MEIG1: variants seen among roughly 807,000 people sequenced by gnomAD.
MEIG1 encodes the protein meiosis expressed gene 1 protein homolog.
MEIG1 carries 12 observed loss-of-function variants against 11.3 expected under a neutral mutation model. The ratio of observed to expected loss-of-function variants is 1.07; its 90% CI spans 0.68 to 1.73. The LOEUF is 1.73. MEIG1 is among the 40% of genes most tolerant of loss of function. MEIG1 has a pLI of 0.00. For missense variants in MEIG1, 119 were observed against 104.9 expected, an observed-to-expected ratio of 1.13 and a Z score of -0.59; for synonymous variants, 41 against 33.2, an observed-to-expected ratio of 1.24 and a Z score of -0.81.
intron 1 of MEIG1, among the ~76,000 whole-genome samples, chr10:14,962,665 A>T (rs1843027938): frequency 1.3e-5 from 2 of 152,246 alleles, no homozygotes; most frequent in Admixed American, 1.3e-4. Flanking sequence ...CATAGATAAG[A>T]CAAAAATTAA....
At chr10:14,954,981 G>T (rs1842900471), upstream of MEIG1, among the ~76,000 whole-genome samples, 1 of 152,190 alleles carries the variant, frequency 6.6e-6, no homozygotes, top group African/African-American at 2.4e-5. Context: ...GCCCAGGCTG[G>T]AGTGCAGTGG....
At chr10:14,968,593 T>G (rs917751124) in intron 2 of MEIG1, among the ~76,000 whole-genome samples, 3 of 152,168 alleles carry the variant, frequency 2.0e-5, no homozygotes, top group Non-Finnish European at 4.4e-5. Context: ...AGACATTAAT[T>G]TAATGACATT....
intron 1 of MEIG1, among the ~76,000 whole-genome samples, chr10:14,982,964 C>T (rs1052065494): frequency 1.4e-4 from 21 of 152,066 alleles, no homozygotes; most frequent in Admixed American, 5.2e-4. Context: ...AATCTGAGCA[C>T]TTTTTATGAG....
chr10:14,956,987 G>T (rs565708592), upstream of MEIG1, among the ~76,000 whole-genome samples: 1 of 152,340 alleles, frequency 6.6e-6, no homozygotes, highest in Non-Finnish European at 1.5e-5. Flanking sequence ...CCTGGAGGCA[G>T]AGATTGCAGT....
chr10:14,970,884 A>C (rs577260188), intron 2 of MEIG1, among the ~76,000 whole-genome samples: 9 of 152,340 alleles, frequency 5.9e-5, no homozygotes, highest in African/African-American at 2.2e-4. Context: ...GTTGAAGAGC[A>C]GGATTTGGTT....
At chr10:14,971,189 C>G (rs1415252448) in intron 2 of MEIG1, among the ~76,000 whole-genome samples, 3 of 117,574 alleles carry the variant, frequency 2.6e-5, no homozygotes, top group Non-Finnish European at 5.6e-5. Flanking sequence ...GAGTTTGAGA[C>G]CAACCTCGGC....
chr10:14,963,623 CTTAT>C (rs201828998), intron 1 of MEIG1, among the ~76,000 whole-genome samples: 2,575 of 152,202 alleles, frequency 0.017, 35 homozygotes, highest in Non-Finnish European at 0.029. Flanking sequence ...TGAAGCGTGG[CTTAT>C]TTGTTTTGCC....
chr10:14,982,887 A>G (rs1843279415), intron 1 of MEIG1, among the ~76,000 whole-genome samples: 1 of 152,124 alleles, frequency 6.6e-6, no homozygotes, highest in Non-Finnish European at 1.5e-5. Flanking sequence ...CCTGGTATTA[A>G]TAAGTGATAT....
At position 14,961,638 on chromosome 10, in the gene MEIG1, A is replaced by ATT. The variant is rs34536061; in HGVS notation, c.-30+2101_-30+2102dup. Among the ~76,000 whole-genome samples, 17 of 76,614 alleles carry ATT rather than the reference A, an allele frequency of 2.2e-4. 2 individuals are homozygous for ATT. Among genetic ancestry groups the ATT allele is most frequent in the Admixed American group, 5.4e-4 (3 of 5,594 alleles). The allele number at this position is 76,614 out of a possible 152,430, so 50.3% of individuals were successfully genotyped here. ...AGGCAGCCGCCACCGCATCCGGCTAATTTTTTTTTTTTTTTTTTTTTAGTA... is the reference window on the plus strand; with the variant it reads ...AGGCAGCCGCCACCGCATCCGGCTAATTTTTTTTTTTTTTTTTTTTTTTAGTA... On this transcript the variant is annotated intron_variant, in intron 1 of 2. Transcript: ENST00000407572.
chr10:14,978,691 T>G (rs1017913297), intron 1 of MEIG1, among the ~76,000 whole-genome samples: 4 of 151,952 alleles, frequency 2.6e-5, no homozygotes, highest in Admixed American at 2.6e-4. Flanking sequence ...GGTGTGTACA[T>G]CTTGTTATAT....
At chr10:14,985,415 A>T (rs2131286331) in intron 1 of MEIG1, among the ~76,000 whole-genome samples, 1 of 152,138 alleles carries the variant, frequency 6.6e-6, no homozygotes, top group South Asian at 2.1e-4. Context: ...GATCGGTTAT[A>T]TCCTTGGGGG....
intron 1 of MEIG1, among the ~76,000 whole-genome samples, chr10:14,964,279 T>C (rs1262247419): frequency 6.6e-6 from 1 of 152,006 alleles, no homozygotes; most frequent in Non-Finnish European, 1.5e-5. Context: ...TACCAACCAC[T>C]AAGGGAACAT....
downstream of MEIG1, among the ~76,000 whole-genome samples, chr10:14,976,989 C>T (rs1406164092): frequency 1.4e-5 from 2 of 148,036 alleles, no homozygotes; most frequent in Non-Finnish European, 3.0e-5. Flanking sequence ...GTTATATCCA[C>T]GGGGGATGTT....
At chr10:14,961,139 A>G (rs1843007977) in intron 1 of MEIG1, among the ~76,000 whole-genome samples, 1 of 152,232 alleles carries the variant, frequency 6.6e-6, no homozygotes, top group African/African-American at 2.4e-5. Context: ...CACCTAGCCA[A>G]CTTTAAACGT....
intron 1 of MEIG1, among the ~76,000 whole-genome samples, chr10:14,978,869 C>A (rs12252121): frequency 0.039 from 5,969 of 151,526 alleles, 387 homozygotes; most frequent in African/African-American, 0.13. Flanking sequence ...TTATGTCACA[C>A]GGGGTGCACA....
At chr10:14,973,093 T>C (rs1843170836), downstream of MEIG1, among the ~76,000 whole-genome samples, 2 of 152,126 alleles carry the variant, frequency 1.3e-5, no homozygotes, top group Admixed American at 1.3e-4. Flanking sequence ...CTCAAACTCC[T>C]GACCTCAAGT....
chr10:14,979,505 T>C (rs1158909125), intron 1 of MEIG1, among the ~76,000 whole-genome samples: 1 of 151,948 alleles, frequency 6.6e-6, no homozygotes, highest in Non-Finnish European at 1.5e-5. Context: ...CCTGGGAGGA[T>C]GTTACTCCCA....
intron 1 of MEIG1, among the ~76,000 whole-genome samples, chr10:14,977,860 T>C (rs557167356): frequency 2.6e-5 from 4 of 152,042 alleles, no homozygotes; most frequent in South Asian, 4.1e-4. Context: ...TTCCTTCTAA[T>C]ATCACCGTGA....
chr10:14,964,877 T>A (rs997491385), intron 1 of MEIG1, among the ~76,000 whole-genome samples: 1 of 151,412 alleles, frequency 6.6e-6, no homozygotes, highest in Non-Finnish European at 1.5e-5. Context: ...AACCTCCACC[T>A]CCCAGGTTCA....
Sources: allele counts gnomAD v4.1 joint callset (sites outside exome capture counted in the v4.1 genomes callset), GRCh38; gene constraint gnomAD v4.1.1; transcripts MANE v1.5; gene names NCBI Gene and HGNC (gene_info 2026-07-23, HGNC 2026-07-21).